Variants in RB1 observed in about 807,000 individuals in gnomAD.
RB1 encodes the protein retinoblastoma-associated protein.
Under a neutral mutation model 135.4 loss-of-function variants are expected in RB1, and 18 were observed. The observed-to-expected ratio is 0.13, with a 90% confidence interval of 0.09 to 0.20. The LOEUF is 0.20. RB1 is among the 10% of genes least tolerant of loss of function. RB1 has a pLI of 1.00. For missense variants in RB1, 868 were observed against 1,110.0 expected, an observed-to-expected ratio of 0.78 and a Z score of 3.10; for synonymous variants, 365 against 373.2, an observed-to-expected ratio of 0.98 and a Z score of 0.25.
At chr13:48,476,603 T>A (rs1223068269) in intron 24 of RB1, 98 bp from the exon 25 acceptor site, 2 of 1,261,550 alleles carry the variant, frequency 1.6e-6, no homozygotes, top group Non-Finnish European at 2.3e-6. Context: ...TTATTACCTT[T>A]GCCTGATTTT....
intron 17 of RB1, among the ~76,000 whole-genome samples, chr13:48,402,659 G>C (rs1593470612): frequency 6.6e-6 from 1 of 152,036 alleles, no homozygotes; most frequent in African/African-American, 2.4e-5. Flanking sequence ...TTAGTCATGA[G>C]CTGCCACTCT....
intron 6 of RB1, among the ~76,000 whole-genome samples, chr13:48,353,281 G>A (rs993102917): frequency 2.6e-5 from 4 of 152,006 alleles, no homozygotes; most frequent in Non-Finnish European, 5.9e-5. Flanking sequence ...TGATACTGCA[G>A]AAACTAAAAG....
chr13:48,437,964 G>A (rs1251532673), intron 17 of RB1, among the ~76,000 whole-genome samples: 2 of 152,090 alleles, frequency 1.3e-5, no homozygotes, highest in Non-Finnish European at 2.9e-5. Flanking sequence ...TCTTGTTTGT[G>A]CTTTGCTGTA....
chr13:48,335,948 T>A (rs1952381276), intron 2 of RB1, among the ~76,000 whole-genome samples: 1 of 151,804 alleles, frequency 6.6e-6, no homozygotes, highest in Non-Finnish European at 1.5e-5. Context: ...AAAAAGCCCA[T>A]GGAGTTGAGA....
intron 26 of RB1, among the ~76,000 whole-genome samples, chr13:48,479,493 A>T (rs916073207): frequency 2.0e-5 from 3 of 152,136 alleles, no homozygotes; most frequent in African/African-American, 7.2e-5. Flanking sequence ...ATAAAGTAGA[A>T]GTTCTATTTA....
intron 17 of RB1, among the ~76,000 whole-genome samples, chr13:48,426,410 G>A (rs562891998): frequency 1.3e-5 from 2 of 152,290 alleles, no homozygotes; most frequent in South Asian, 2.1e-4. Context: ...CACTGCTAAT[G>A]TACAGCCAAT....
intron 2 of RB1, among the ~76,000 whole-genome samples, chr13:48,321,141 C>A (rs1194203168): frequency 6.6e-6 from 1 of 152,092 alleles, no homozygotes; most frequent in East Asian, 1.9e-4. Context: ...GCTGACCCTG[C>A]CTGCGCTTGC....
At chr13:48,442,791 T>C (rs1949250815) in intron 17 of RB1, among the ~76,000 whole-genome samples, 1 of 152,200 alleles carries the variant, frequency 6.6e-6, no homozygotes, top group African/African-American at 2.4e-5. Flanking sequence ...AATTTTGAGT[T>C]AGGAAGTCCT....
chr13:48,411,355 A>C (rs757950860), intron 17 of RB1: 1 of 1,550,772 alleles, frequency 6.4e-7, no homozygotes. Context: ...AGGAACTTGA[A>C]AGTTCTGTCC....
intron 17 of RB1, among the ~76,000 whole-genome samples, chr13:48,398,749 A>G (rs1948667273): frequency 6.6e-6 from 1 of 152,084 alleles, no homozygotes; most frequent in African/African-American, 2.4e-5. Flanking sequence ...TACTACCTCT[A>G]TAATATATAG....
At chr13:48,358,252 T>C (rs76304494) in intron 6 of RB1, among the ~76,000 whole-genome samples, 1,800 of 152,244 alleles carry the variant, frequency 0.012, 37 homozygotes, top group African/African-American at 0.037. Flanking sequence ...CCCCTTCTTA[T>C]GTTGTGATTC....
chr13:48,411,329 C>G, intron 17 of RB1: 1 of 1,352,686 alleles, frequency 7.4e-7, no homozygotes, highest in Non-Finnish European at 1.1e-6. Flanking sequence ...TCCAAAAAGA[C>G]ACTTTTCACA....
chr13:48,407,494 T>C (rs1948750902), intron 17 of RB1, among the ~76,000 whole-genome samples: 1 of 152,226 alleles, frequency 6.6e-6, no homozygotes, highest in South Asian at 2.1e-4. Context: ...TTTGTACTTT[T>C]ATAAAACTGT....
chr13:48,395,896 T>A lies in RB1; in HGVS notation c.1695+14453T>A, dbSNP rs549472390. 4.6e-5 allele frequency among the ~76,000 whole-genome samples: 7 copies of A among 152,048 alleles called. No homozygotes were observed. The East Asian group carries it at 1.2e-3, about 25-fold the overall frequency. On this transcript the variant is annotated intron_variant, in intron 17 of 26. Transcript: ENST00000267163. ...AATACAGGGAACACCACAAAGATAC[T>A]CCTCAAGAAGAGGAACCCCAGGACA... is the stretch of plus-strand genomic sequence containing the variant.
chr13:48,336,361 GA>G (rs1273058073), intron 2 of RB1, among the ~76,000 whole-genome samples: 4 of 152,302 alleles, frequency 2.6e-5, no homozygotes, highest in East Asian at 3.9e-4. Context: ...CTCAATTTCA[GA>G]ACGTGTTATT....
intron 17 of RB1, among the ~76,000 whole-genome samples, chr13:48,393,682 A>G (rs557042219): frequency 1.3e-5 from 2 of 152,304 alleles, no homozygotes; most frequent in East Asian, 3.9e-4. Flanking sequence ...TGTTAAATGC[A>G]TCAGGTCTTC....
chr13:48,348,834 A>G, intron 5 of RB1, 122 bp from the exon 6 acceptor site: 1 of 1,211,044 alleles, frequency 8.3e-7, no homozygotes, highest in Non-Finnish European at 1.1e-6. Flanking sequence ...TCTATTATGC[A>G]TTTAACTAAG....
intron 2 of RB1, chr13:48,317,988 C>T: frequency 2.1e-6 from 1 of 478,662 alleles, no homozygotes. Context: ...TCGATGCTCT[C>T]GTCACTGTCC....
At chr13:48,310,033 A>T (rs1002819905) in intron 2 of RB1, among the ~76,000 whole-genome samples, 4 of 152,224 alleles carry the variant, frequency 2.6e-5, no homozygotes, top group South Asian at 2.1e-4. Flanking sequence ...AAGGAATTTC[A>T]TGTTATTTTT....
Sources: gnomAD v4.1 joint callset for allele counts (sites outside exome capture counted in the v4.1 genomes callset) on GRCh38, gnomAD v4.1.1 for gene constraint, MANE v1.5 for transcripts, NCBI Gene and HGNC (gene_info 2026-07-23, HGNC 2026-07-21) for gene names.